COL13A1: variants seen among roughly 807,000 people sequenced by gnomAD.
COL13A1 encodes the protein collagen type XIII alpha 1 chain.
COL13A1 carries 89 observed loss-of-function variants against 130.9 expected under a neutral mutation model. The ratio of observed to expected loss-of-function variants is 0.68; its 90% CI spans 0.57 to 0.81. The LOEUF (loss-of-function observed/expected upper bound fraction) is 0.81, where lower values mean the gene tolerates loss of function less well. Among genes scored for constraint, COL13A1 ranks in the 30% least tolerant of loss-of-function variants. COL13A1 has a pLI of 0.00. For synonymous variants in COL13A1, 402 were observed against 341.6 expected (o/e 1.18, Z -1.95); for missense variants, 879 against 934.6 (o/e 0.94, Z 0.78).
rs547843019 is a variant in COL13A1, at chr10:69,878,054, C to G, written c.451C>G (p.Pro151Ala). 1.4e-6 allele frequency: 1 copy of G among 703,014 alleles called. No individual in the cohort carries two copies. Among genetic ancestry groups the G allele is most frequent in the Admixed American group, 2.0e-5 (1 of 50,008 alleles). 43.5% of individuals were successfully genotyped at this position (703,014 alleles called of 1,614,324 possible). A position where few individuals can be genotyped will look rare whatever the true frequency, so the allele number is the denominator to read the frequency against. ...MPGRVGVKGQ[P>A]GEKGSPGDAG... ...GCTGCCCCAGGGAGTAAAGGGCCAA[C>G]CAGGCGAGAAGGTGAGTCCACACTT... Residue 151 changes from proline to alanine, a missense_variant, in exon 6 of 41, where the codon CCA (proline) becomes GCA (alanine). Physicochemically the swap from Pro to Ala is conservative, Grantham distance 27. Transcript: ENST00000645393.
Position 69,900,711 on chromosome 10 carries a change from T to C in COL13A1, c.750+1949T>C, listed in dbSNP as rs547821514. 1.2e-4 allele frequency among the ~76,000 whole-genome samples: 19 copies of C among 152,370 alleles called. No homozygotes were observed. In the East Asian group the frequency reaches 2.7e-3, roughly 22 times the overall value. On this transcript the variant is annotated intron_variant, in intron 14 of 40. Coordinates refer to ENST00000645393, the MANE Select transcript of COL13A1 (RefSeq NM_001368882.1). ...AATATGATGTGCTTAGCAGATGGTGTTGGACGTCATTTCCAAAGAGCAGAA... is the reference window on the plus strand; with the variant it reads ...AATATGATGTGCTTAGCAGATGGTGCTGGACGTCATTTCCAAAGAGCAGAA...
chr10:69,870,558 C>T (rs1194865237), intron 3 of COL13A1, among the ~76,000 whole-genome samples: 1 of 151,214 alleles, frequency 6.6e-6, no homozygotes, highest in Non-Finnish European at 1.5e-5. Context: ...TGACCTCAAG[C>T]CATCCTCCTG....
intron 38 of COL13A1, among the ~76,000 whole-genome samples, chr10:69,950,120 T>C (rs1375975156): frequency 6.6e-6 from 1 of 152,052 alleles, no homozygotes; most frequent in Non-Finnish European, 1.5e-5. Flanking sequence ...TCCGTTATAA[T>C]AGTCCCACGT....
intron 2 of COL13A1, among the ~76,000 whole-genome samples, chr10:69,826,331 G>A (rs899678944): frequency 5.3e-5 from 8 of 152,298 alleles, no homozygotes; most frequent in African/African-American, 1.2e-4. Flanking sequence ...AAATCACTTC[G>A]CTGTCGGAGC....
intron 2 of COL13A1, among the ~76,000 whole-genome samples, chr10:69,852,988 C>A (rs1589077583): frequency 3.3e-5 from 5 of 152,028 alleles, no homozygotes; most frequent in Admixed American, 2.6e-4. Flanking sequence ...AAAGCCCTTG[C>A]CTGGGGCTGT....
At chr10:69,857,241 T>C (rs1405289064) in intron 2 of COL13A1, among the ~76,000 whole-genome samples, 1 of 152,148 alleles carries the variant, frequency 6.6e-6, no homozygotes, top group East Asian at 1.9e-4. Context: ...AATGTGCAAT[T>C]TGTCCCAACA....
At chr10:69,889,792 G>C (rs2060988978) in intron 10 of COL13A1, among the ~76,000 whole-genome samples, 1 of 152,186 alleles carries the variant, frequency 6.6e-6, no homozygotes, top group Non-Finnish European at 1.5e-5. Flanking sequence ...CTTTCTCTAG[G>C]AGACACCATT....
chr10:69,802,521 C>G lies in COL13A1; in HGVS notation c.98C>G (p.Ala33Gly). The G allele has an allele frequency of 6.4e-7, 1 of 1,568,384 alleles. No individual in the cohort carries two copies. Among genetic ancestry groups the G allele is most frequent in the Non-Finnish European group, 8.6e-7 (1 of 1,160,800 alleles). Residue 33 changes from alanine (A) to glycine (G), a missense_variant, in exon 1 of 41, where the codon GCG (alanine) becomes GGG (glycine). Around this residue, in one of 3 missense-constraint regions of COL13A1, gnomAD observed 715 missense variants for 721.0 expected, o/e 0.99. Coordinates refer to ENST00000645393, the MANE Select transcript of COL13A1 (RefSeq NM_001368882.1). ...ACGGTGGCTCTGGTGGCGGCGCGGG[C>G]GGAGCGCGGCGCACGGCTGCCGAGT... The part of the protein sequence containing the change: ...PGTVALVAAR[A>G]ERGARLPSPG...
intron 13 of COL13A1, 133 bp downstream of exon 13, chr10:69,895,709 G>C (rs937285384): frequency 1.9e-5 from 18 of 949,686 alleles, no homozygotes; most frequent in Non-Finnish European, 2.8e-5. Context: ...ACTGCCCTCT[G>C]CACTCAGCAG....
intron 17 of COL13A1, among the ~76,000 whole-genome samples, chr10:69,914,366 TGCAGG>T (rs2063698466): frequency 7.0e-6 from 1 of 142,652 alleles, no homozygotes; most frequent in African/African-American, 2.5e-5. Flanking sequence ...CAAAGGGCTG[TGCAGG>T]GGAGCAGAGA....
At chr10:69,860,390 G>T (rs1857651734) in intron 2 of COL13A1, among the ~76,000 whole-genome samples, 1 of 152,226 alleles carries the variant, frequency 6.6e-6, no homozygotes, top group African/African-American at 2.4e-5. Flanking sequence ...AGTGTGCCAA[G>T]ATACAATCTT....
intron 1 of COL13A1, among the ~76,000 whole-genome samples, chr10:69,806,587 G>A (rs2132105754): frequency 6.6e-6 from 1 of 152,352 alleles, no homozygotes; most frequent in African/African-American, 2.4e-5. Flanking sequence ...GAGCACTCCA[G>A]CTGCCTGTTA....
intron 34 of COL13A1, 32 bp from the exon 35 acceptor site, chr10:69,940,956 C>G: frequency 6.2e-7 from 1 of 1,613,938 alleles, no homozygotes; most frequent in Middle Eastern, 1.6e-4. Context: ...CTCTCTTCCC[C>G]TTCTTTTGGT....
chr10:69,945,438 G>A (rs929733252), intron 36 of COL13A1, among the ~76,000 whole-genome samples: 1 of 152,192 alleles, frequency 6.6e-6, no homozygotes, highest in African/African-American at 2.4e-5. Context: ...GGGTCATTCT[G>A]GGAGGCCTTG....
intron 2 of COL13A1, among the ~76,000 whole-genome samples, chr10:69,828,749 T>C (rs144350131): frequency 6.6e-6 from 1 of 152,206 alleles, no homozygotes; most frequent in African/African-American, 2.4e-5. Flanking sequence ...TATGTTAACG[T>C]AATGCCTGGT....
At chr10:69,904,385 C>G (rs2062517812) in intron 15 of COL13A1, among the ~76,000 whole-genome samples, 1 of 151,332 alleles carries the variant, frequency 6.6e-6, no homozygotes, top group Non-Finnish European at 1.5e-5. Context: ...TTTCTCCAGC[C>G]CACGTTTGCT....
chr10:69,859,498 C>T (rs936258097), intron 2 of COL13A1, among the ~76,000 whole-genome samples: 3 of 152,228 alleles, frequency 2.0e-5, no homozygotes, highest in African/African-American at 7.2e-5. Flanking sequence ...GCCAGCAGAG[C>T]CATGATGTGA....
chr10:69,846,387 G>T (rs1008010226), intron 2 of COL13A1, among the ~76,000 whole-genome samples: 1 of 152,110 alleles, frequency 6.6e-6, no homozygotes, highest in Admixed American at 6.5e-5. Context: ...GTTGGGGTTG[G>T]GGGGAGGGGC....
At position 69,927,113 on chromosome 10, in the gene COL13A1, A is replaced by C; in HGVS notation, c.1422+3A>C. On this transcript the variant is annotated splice_donor_region_variant and intron_variant, in intron 27 of 40. Transcript: ENST00000645393. ...AGATCCGGACGCTGGCCTTGATGGT[A>C]AGTTTTGCTCCTCCTGGCTTTCCTT... is the stretch of plus-strand genomic sequence containing the variant. The C allele has an allele frequency of 6.2e-7, 1 of 1,613,332 alleles. No homozygotes were observed. The highest frequency in any genetic ancestry group is 2.2e-5 in the East Asian group (1 of 44,844).
Sources: gnomAD v4.1 joint callset for allele counts (sites outside exome capture counted in the v4.1 genomes callset) on GRCh38, gnomAD v4.1.1 for gene constraint, gnomAD v4.1.1 regional missense constraint, MANE v1.5 for transcripts, NCBI Gene and HGNC (gene_info 2026-07-23, HGNC 2026-07-21) for gene names.